Variants in GPR39 observed in about 807,000 individuals in gnomAD.
The protein encoded by GPR39 is G protein-coupled receptor 39.
GPR39 carries 23 observed loss-of-function variants against 18.4 expected under a neutral mutation model. The observed-to-expected ratio is 1.25, with a 90% CI of 0.90 to 1.77. The LOEUF (loss-of-function observed/expected upper bound fraction) is 1.77. GPR39 is among the 40% of genes most tolerant of loss of function. GPR39 has a pLI of 0.00. For synonymous variants in GPR39, 280 were observed against 257.9 expected (o/e 1.09, Z -0.82); for missense variants, 647 against 602.4 (o/e 1.07, Z -0.78).
chr2:132,625,072 AT>A (rs113383110), intron 1 of GPR39, among the ~76,000 whole-genome samples: 14,749 of 141,040 alleles, frequency 0.1, 2,065 homozygotes, highest in African/African-American at 0.33. Context: ...AGGTGCTCCA[AT>A]TTTTTTTTTT....
chr2:132,422,808 G>T (rs1680039449), intron 1 of GPR39, among the ~76,000 whole-genome samples: 1 of 152,058 alleles, frequency 6.6e-6, no homozygotes, highest in East Asian at 1.9e-4. Flanking sequence ...CTGTCTCAAA[G>T]ATTTCATTTC....
intron 1 of GPR39, among the ~76,000 whole-genome samples, chr2:132,471,927 A>T (rs1018451965): frequency 5.9e-5 from 9 of 152,178 alleles, no homozygotes; most frequent in African/African-American, 1.9e-4. Flanking sequence ...CGCAATGTGT[A>T]TCAACTTCAG....
At chr2:132,549,502 C>A (rs1680004320) in intron 1 of GPR39, among the ~76,000 whole-genome samples, 1 of 152,152 alleles carries the variant, frequency 6.6e-6, no homozygotes. Context: ...TTAAGAGCTT[C>A]AGGAGGTCGG....
intron 1 of GPR39, among the ~76,000 whole-genome samples, chr2:132,616,954 C>T (rs1681346894): frequency 6.6e-6 from 1 of 152,192 alleles, no homozygotes; most frequent in Non-Finnish European, 1.5e-5. Context: ...TGTACACAAA[C>T]ACAAATGCAC....
intron 1 of GPR39, among the ~76,000 whole-genome samples, chr2:132,518,041 C>T (rs1679363915): frequency 6.6e-6 from 1 of 152,138 alleles, no homozygotes; most frequent in Non-Finnish European, 1.5e-5. Context: ...ATATTCTTCA[C>T]TTTAATAACA....
At chr2:132,482,649 T>C (rs1179837917) in intron 1 of GPR39, among the ~76,000 whole-genome samples, 1 of 152,202 alleles carries the variant, frequency 6.6e-6, no homozygotes, top group Non-Finnish European at 1.5e-5. Flanking sequence ...ACACTAGGCA[T>C]TAATTTACAT....
intron 1 of GPR39, among the ~76,000 whole-genome samples, chr2:132,507,461 C>T (rs983610173): frequency 6.6e-4 from 100 of 152,262 alleles, no homozygotes; most frequent in African/African-American, 1.8e-3. Flanking sequence ...CTTGTGTTTT[C>T]TTCCTTGTTT....
intron 1 of GPR39, among the ~76,000 whole-genome samples, chr2:132,478,001 G>A (rs1681160443): frequency 6.6e-6 from 1 of 152,076 alleles, no homozygotes. Flanking sequence ...AGAATTTGAG[G>A]CATTTTATTC....
chr2:132,459,132 G>A (rs547615341), intron 1 of GPR39, among the ~76,000 whole-genome samples: 31 of 152,104 alleles, frequency 2.0e-4, no homozygotes, highest in African/African-American at 7.0e-4. Context: ...TCTGTTTCTG[G>A]GCTCTGCTAT....
intron 1 of GPR39, among the ~76,000 whole-genome samples, chr2:132,476,663 G>T (rs113219455): frequency 0.067 from 8,941 of 132,978 alleles, 1,098 homozygotes; most frequent in African/African-American, 0.24. Flanking sequence ...AAAAAAAAAA[G>T]ATAGATATGT....
chr2:132,541,733 G>A (rs1209676909), intron 1 of GPR39, among the ~76,000 whole-genome samples: 1 of 152,168 alleles, frequency 6.6e-6, no homozygotes, highest in Non-Finnish European at 1.5e-5. Context: ...GAGGCAGTTG[G>A]ACAAGCCTTA....
chr2:132,553,281 C>A (rs570194952), intron 1 of GPR39, among the ~76,000 whole-genome samples: 1 of 150,186 alleles, frequency 6.7e-6, no homozygotes, highest in Non-Finnish European at 1.5e-5. Flanking sequence ...CCTCCCCTCA[C>A]GGATACTGTA....
intron 1 of GPR39, among the ~76,000 whole-genome samples, chr2:132,456,966 C>T (rs940750117): frequency 1.3e-5 from 2 of 152,150 alleles, no homozygotes; most frequent in African/African-American, 4.8e-5. Context: ...CTTGGGGTGG[C>T]TCTCCTCGAG....
rs531757259 is a variant in GPR39, at chr2:132,601,813, T to C, written c.857-43288T>C. Among the ~76,000 whole-genome samples the C allele has an allele frequency of 3.9e-5, 6 of 152,148 alleles. No homozygotes were observed. The South Asian group carries it at 1.2e-3, about 32-fold the overall frequency. ...AAGAAATCAAGAAAGCAATCTCATA[T>C]ATAATAGCTATGAAAAATAGTTAGA... On this transcript the variant is annotated intron_variant, in intron 1 of 1. Coordinates refer to ENST00000329321, the MANE Select transcript of GPR39 (RefSeq NM_001508.3).
chr2:132,487,649 A>C (rs746569062), intron 1 of GPR39, among the ~76,000 whole-genome samples: 9 of 152,220 alleles, frequency 5.9e-5, no homozygotes, highest in Non-Finnish European at 1.3e-4. Context: ...AAATTTAATG[A>C]TTATATTTAA....
intron 1 of GPR39, among the ~76,000 whole-genome samples, chr2:132,438,519 CG>C (rs959051196): frequency 1.3e-4 from 19 of 146,606 alleles, no homozygotes; most frequent in Non-Finnish European, 5.9e-5. Flanking sequence ...TAGCAAATTA[CG>C]TATGGGCAAT....
At chr2:132,554,431 G>A (rs1320285291) in intron 1 of GPR39, among the ~76,000 whole-genome samples, 1 of 152,224 alleles carries the variant, frequency 6.6e-6, no homozygotes, top group Non-Finnish European at 1.5e-5. Context: ...TCAAACTGCA[G>A]TTTCACACCA....
chr2:132,485,015 C>T (rs940323088), intron 1 of GPR39, among the ~76,000 whole-genome samples: 2 of 152,158 alleles, frequency 1.3e-5, no homozygotes, highest in African/African-American at 4.8e-5. Context: ...CTTATGGAAA[C>T]TGTACTAAGA....
rs941714873 is a variant in GPR39 at position 132,467,373 on chromosome 2, C to T, written c.856+49475C>T. ...GAACTAAACTTTGGGTACTCATGGA[C>T]GTAAAGATGGCAACAGCAGAAACTG... On this transcript the variant is annotated intron_variant, in intron 1 of 1. Coordinates refer to ENST00000329321, the MANE Select transcript of GPR39 (RefSeq NM_001508.3). Among the ~76,000 whole-genome samples, 8 of 151,944 alleles carry T rather than the reference C, an allele frequency of 5.3e-5. 1 individual carries two copies. The highest frequency in any genetic ancestry group is 3.3e-4 in the Admixed American group (5 of 15,252).
Sources: gnomAD v4.1 joint callset for allele counts (sites outside exome capture counted in the v4.1 genomes callset) on GRCh38, gnomAD v4.1.1 for gene constraint, MANE v1.5 for transcripts, NCBI Gene and HGNC (gene_info 2026-07-23, HGNC 2026-07-21) for gene names.